The following LIPC variants were observed in gnomAD, a reference collection of about 807,000 sequenced individuals.
LIPC encodes the protein hepatic triacylglycerol lipase.
Under a neutral mutation model 50.7 loss-of-function variants are expected in LIPC, and 44 were observed. The ratio of observed to expected loss-of-function variants is 0.87; its 90% CI spans 0.68 to 1.11. The LOEUF is 1.11. Among genes scored for constraint, LIPC ranks in the 50% most tolerant of loss-of-function variants. The pLI is 0.00. For synonymous variants in LIPC, 271 were observed against 256.4 expected (o/e 1.06, Z -0.54); for missense variants, 697 against 648.2 (o/e 1.08, Z -0.82).
At chr15:58,467,753 C>A (rs775597077) in intron 1 of LIPC, among the ~76,000 whole-genome samples, 12 of 152,194 alleles carry the variant, frequency 7.9e-5, no homozygotes, top group Non-Finnish European at 1.3e-4. Context: ...TTGGTATTTG[C>A]TCACTGTTGC....
intron 1 of LIPC, among the ~76,000 whole-genome samples, chr15:58,478,940 C>T (rs1346527193): frequency 7.2e-5 from 11 of 152,236 alleles, no homozygotes; most frequent in South Asian, 6.2e-4. Flanking sequence ...ACATTAAGCA[C>T]CAACCGTGTG....
intron 8 of LIPC, among the ~76,000 whole-genome samples, chr15:58,567,282 TATATATATATAC>T (rs1422194195): frequency 4.8e-5 from 2 of 41,634 alleles, no homozygotes; most frequent in African/African-American, 1.9e-4. Flanking sequence ...TGTGTGTGTG[TATATATATATAC>T]ATATATATAT....
At chr15:58,452,795 C>A (rs1325129619) in intron 1 of LIPC, among the ~76,000 whole-genome samples, 1 of 152,178 alleles carries the variant, frequency 6.6e-6, no homozygotes, top group Non-Finnish European at 1.5e-5. Flanking sequence ...TTTTCAGAGC[C>A]CAACCCCCAT....
chr15:58,457,224 C>T (rs1322478524), intron 1 of LIPC, among the ~76,000 whole-genome samples: 1 of 152,244 alleles, frequency 6.6e-6, no homozygotes, highest in Admixed American at 6.5e-5. Context: ...TTTCTCCTGT[C>T]TCAGCCTCCT....
intron 3 of LIPC, 149 bp downstream of exon 3, chr15:58,542,116 C>T (rs777412936): frequency 1.1e-4 from 106 of 963,058 alleles, no homozygotes; most frequent in Admixed American, 2.2e-4. Flanking sequence ...AGGACTGACA[C>T]CAGACCCCAG....
intron 8 of LIPC, chr15:58,565,509 T>C (rs1362839819): frequency 7.3e-6 from 10 of 1,374,020 alleles, no homozygotes; most frequent in Non-Finnish European, 9.4e-6. Context: ...AGGTGCTCCA[T>C]GGCATTGGTC....
intron 1 of LIPC, among the ~76,000 whole-genome samples, chr15:58,499,842 G>A (rs1490371899): frequency 6.6e-6 from 1 of 152,210 alleles, no homozygotes; most frequent in African/African-American, 2.4e-5. Flanking sequence ...TGGGGAGGAG[G>A]TAAAGTGATA....
rs553345601 is a variant in LIPC, at chr15:58,500,409, C to G, written c.89-37924C>G. ...CGCTTGCTCTCGTCTGAACGTGCTT[C>G]CATGTCTCCATGTTGCTCTTGTGTC... On this transcript the variant is annotated intron_variant, in intron 1 of 8. Transcript: ENST00000299022. Among the ~76,000 whole-genome samples the G allele has an allele frequency of 5.3e-5, 8 of 152,296 alleles. No individual in the cohort carries two copies. The East Asian group carries it at 1.5e-3, about 29-fold the overall frequency.
At chr15:58,523,462 G>A (rs924240808) in intron 1 of LIPC, 6 of 152,310 alleles carry the variant, frequency 3.9e-5, no homozygotes, top group African/African-American at 4.8e-5. Flanking sequence ...GAAGACAGAC[G>A]AGGTGAGTGG....
intron 1 of LIPC, among the ~76,000 whole-genome samples, chr15:58,519,788 G>T (rs1392588644): frequency 3.3e-5 from 5 of 152,152 alleles, no homozygotes; most frequent in African/African-American, 1.2e-4. Flanking sequence ...CTTGCTCTTA[G>T]CATCCGTTTC....
intron 1 of LIPC, among the ~76,000 whole-genome samples, chr15:58,472,592 A>AAG (rs1208390667): frequency 6.6e-6 from 1 of 151,736 alleles, no homozygotes; most frequent in African/African-American, 2.4e-5. Flanking sequence ...AAAAAAAAAA[A>AAG]AATCTTGCCC....
intron 1 of LIPC, among the ~76,000 whole-genome samples, chr15:58,456,013 T>C (rs1894097963): frequency 6.6e-6 from 1 of 151,982 alleles, no homozygotes. Context: ...ATAGACAATC[T>C]GGAAAGTTCT....
intron 8 of LIPC, chr15:58,565,934 G>T (rs1894351811): frequency 1.1e-6 from 1 of 902,628 alleles, no homozygotes; most frequent in East Asian, 1.3e-4. Flanking sequence ...AAAAAAATCT[G>T]AGTTGTGGCT....
intron 1 of LIPC, among the ~76,000 whole-genome samples, chr15:58,475,539 C>T (rs1890964612): frequency 6.6e-6 from 1 of 152,194 alleles, no homozygotes; most frequent in African/African-American, 2.4e-5. Context: ...GAACCACCCC[C>T]CAGAAACAAA....
At chr15:58,439,001 C>T (rs1270670589) in intron 1 of LIPC, among the ~76,000 whole-genome samples, 2 of 152,236 alleles carry the variant, frequency 1.3e-5, no homozygotes, top group Non-Finnish European at 2.9e-5. Context: ...ACAGCGTTTT[C>T]ACCTCCACTT....
chr15:58,436,294 A>C (rs1209885113), intron 1 of LIPC: 1 of 163,686 alleles, frequency 6.1e-6, no homozygotes, highest in Admixed American at 6.1e-5. Flanking sequence ...GTACAAACAA[A>C]AAACCAGAAC....
intron 1 of LIPC, among the ~76,000 whole-genome samples, chr15:58,505,279 C>T (rs1209240148): frequency 6.6e-6 from 1 of 152,228 alleles, no homozygotes; most frequent in African/African-American, 2.4e-5. Flanking sequence ...ATGGTCCCAG[C>T]CCCCCTACTC....
intron 1 of LIPC, among the ~76,000 whole-genome samples, chr15:58,505,493 G>T (rs1258535526): frequency 3.3e-5 from 5 of 152,186 alleles, no homozygotes; most frequent in African/African-American, 1.2e-4. Context: ...GGTGGTGAAT[G>T]GTCTGCCAGC....
Position 58,560,957 on chromosome 15 carries a change from A to C in LIPC, c.1145A>C (p.Lys382Thr), listed in dbSNP as rs1894139888. The change falls in exon 7 of 9, where the codon AAA (lysine) becomes ACA (threonine). Residue 382 changes from lysine to threonine, a missense_variant. By Grantham distance (78) the Lys-to-Thr change is moderately conservative. Coordinates refer to ENST00000299022, the MANE Select transcript of LIPC (RefSeq NM_000236.3). The part of the protein sequence containing the change: ...FTMSLLGTKE[K>T]MQKIPITLGK... ...ATGTCACTACTCGGAACAAAAGAGA[A>C]AATGCAGAAAATTCCCATCACTCTG... is the stretch of plus-strand genomic sequence containing the variant. 1.3e-6 allele frequency: 2 copies of C among 1,550,840 alleles called. No homozygotes were observed. Among genetic ancestry groups the C allele is most frequent in the Non-Finnish European group, 1.8e-6 (2 of 1,122,144 alleles).
Sources: gnomAD v4.1 joint callset for allele counts (sites outside exome capture counted in the v4.1 genomes callset) on GRCh38, gnomAD v4.1.1 for gene constraint, MANE v1.5 for transcripts, NCBI Gene and HGNC (gene_info 2026-07-23, HGNC 2026-07-21) for gene names.